EXT1: variants seen among roughly 807,000 people sequenced by gnomAD.
EXT1 encodes exostosin glycosyltransferase 1, also known as exostosin-1.
In EXT1, 20 loss-of-function variants were observed where a neutral mutation model predicts 82.5. The ratio of observed to expected loss-of-function variants is 0.24; its 90% CI spans 0.17 to 0.35. EXT1 has a LOEUF of 0.35. EXT1 is among the 10% of genes least tolerant of loss of function. EXT1 has a pLI of 1.00. For missense variants in EXT1, 757 were observed against 936.5 expected, an observed-to-expected ratio of 0.81 and a Z score of 2.50; for synonymous variants, 348 against 350.8, an observed-to-expected ratio of 0.99 and a Z score of 0.09.
chr8:118,066,225 A>C (rs1031606209), intron 1 of EXT1, among the ~76,000 whole-genome samples: 1 of 152,184 alleles, frequency 6.6e-6, no homozygotes, highest in Non-Finnish European at 1.5e-5. Context: ...ACTCAACATG[A>C]AGACAATGAG....
At position 117,799,580 on chromosome 8, in the gene EXT1, TCA is replaced by T; in HGVS notation, c.*130_*131del. ...GTTCTCATTGGCCTTTTTTTTTTTG[TCA>T]TTCTGCTCATCTAAGTTTTTGGATA... On this transcript the variant is annotated 3_prime_UTR_variant, in exon 11 of 11. Transcript: ENST00000378204. The T allele has an allele frequency of 3.3e-5, 33 of 1,013,796 alleles. No homozygotes were observed. The highest frequency in any genetic ancestry group is 2.0e-4 in the Admixed American group (9 of 44,744). The allele number at this position is 1,013,796 out of a possible 1,614,324, so 62.8% of individuals were successfully genotyped here.
chr8:118,032,954 C>T (rs1406746243), intron 1 of EXT1, among the ~76,000 whole-genome samples: 3 of 152,098 alleles, frequency 2.0e-5, no homozygotes, highest in Admixed American at 1.3e-4. Flanking sequence ...AAATGTACCA[C>T]TTAAAAAAAT....
At position 117,822,699 on chromosome 8, in the gene EXT1, T is replaced by C. The variant is rs188441211; in HGVS notation, c.1285-102A>G. The stretch of plus-strand genomic sequence containing the variant: ...CGAAAGATGGTGGCAGTCAGAGTAG[T>C]GACTCTACCCTCCCTCCCACTTTAA... On this transcript the variant is annotated intron_variant, in intron 4 of 10. Transcript: ENST00000378204. The C allele has an allele frequency of 1.1e-5, 14 of 1,304,794 alleles. 1 individual carries two copies. The African/African-American group carries it at 1.3e-4, about 12-fold the overall frequency. 80.8% of individuals were successfully genotyped at this position (1,304,794 alleles called of 1,614,324 possible).
At chr8:117,918,291 G>T (rs961175251) in intron 1 of EXT1, among the ~76,000 whole-genome samples, 1 of 152,186 alleles carries the variant, frequency 6.6e-6, no homozygotes, top group Non-Finnish European at 1.5e-5. Flanking sequence ...CACAGTGCCA[G>T]GTCCTGTGAG....
intron 1 of EXT1, among the ~76,000 whole-genome samples, chr8:117,906,992 T>C (rs1813555182): frequency 6.6e-6 from 1 of 152,098 alleles, no homozygotes; most frequent in Non-Finnish European, 1.5e-5. Flanking sequence ...TGCTGTAGCA[T>C]ATCTCCCTCA....
At chr8:118,100,756 A>G (rs930615916) in intron 1 of EXT1, among the ~76,000 whole-genome samples, 3 of 152,028 alleles carry the variant, frequency 2.0e-5, no homozygotes, top group Admixed American at 1.3e-4. Context: ...AAAAGAAAAA[A>G]AAAAAAGTCA....
rs900113581 is a variant in EXT1, at chr8:117,938,316, G to C, written c.963-101115C>G. On this transcript the variant is annotated intron_variant, in intron 1 of 10. Transcript: ENST00000378204. ...GTCTCCACTAAAAATACAAAAATTA[G>C]CTGGGCATGGTGGCGGGGACCTGTA... 3.3e-5 allele frequency among the ~76,000 whole-genome samples: 5 copies of C among 152,208 alleles called. 1 individual carries two copies. Among genetic ancestry groups the C allele is most frequent in the Non-Finnish European group, 4.4e-5 (3 of 68,012 alleles).
chr8:118,108,514 T>G lies in EXT1; in HGVS notation c.962+1571A>C, dbSNP rs530305515. On this transcript the variant is annotated intron_variant, in intron 1 of 10. Transcript: ENST00000378204. ...ATTACTAACCATAGTTTAAATGTCT[T>G]TTATGAGAAAACTGTAATCCATTGC... Among the ~76,000 whole-genome samples, 9 of 152,362 alleles carry G rather than the reference T, an allele frequency of 5.9e-5. 1 individual carries two copies. In the South Asian group the frequency reaches 1.9e-3, roughly 32 times the overall value.
intron 1 of EXT1, among the ~76,000 whole-genome samples, chr8:117,882,547 C>G (rs1201452993): frequency 6.6e-6 from 1 of 152,142 alleles, no homozygotes; most frequent in Non-Finnish European, 1.5e-5. Flanking sequence ...AGTAAAATTC[C>G]CCAGGGTAGA....
At chr8:117,825,878 A>G (rs899878880) in intron 4 of EXT1, among the ~76,000 whole-genome samples, 3 of 152,210 alleles carry the variant, frequency 2.0e-5, no homozygotes, top group African/African-American at 7.2e-5. Context: ...CACTAACTAT[A>G]TACCTTCCTA....
At chr8:117,818,647 C>T (rs1811868455) in intron 6 of EXT1, 117 bp from the exon 7 acceptor site, 3 of 842,568 alleles carry the variant, frequency 3.6e-6, no homozygotes, top group South Asian at 1.4e-5. Context: ...CTCAGCAAGA[C>T]AAAACGGCAG....
At chr8:117,853,193 C>T (rs912023366) in intron 1 of EXT1, among the ~76,000 whole-genome samples, 3 of 152,108 alleles carry the variant, frequency 2.0e-5, no homozygotes, top group Admixed American at 6.6e-5. Flanking sequence ...CTAAATCCAT[C>T]GGATGGTTTG....
chr8:117,955,463 A>C (rs1243233511), intron 1 of EXT1, among the ~76,000 whole-genome samples: 1 of 152,222 alleles, frequency 6.6e-6, no homozygotes. Context: ...ATCACCCAGG[A>C]AATTCCAAGG....
chr8:117,887,264 T>C (rs1247358367), intron 1 of EXT1, among the ~76,000 whole-genome samples: 1 of 152,216 alleles, frequency 6.6e-6, no homozygotes, highest in Non-Finnish European at 1.5e-5. Context: ...GATATTTCCT[T>C]CTCCTTGACT....
chr8:118,077,696 TCAAA>T (rs1203150188), intron 1 of EXT1, among the ~76,000 whole-genome samples: 2 of 152,120 alleles, frequency 1.3e-5, no homozygotes, highest in Non-Finnish European at 2.9e-5. Flanking sequence ...ATAATAAATA[TCAAA>T]CAAAGTGACA....
At chr8:117,995,425 A>C (rs887162031) in intron 1 of EXT1, among the ~76,000 whole-genome samples, 5 of 151,964 alleles carry the variant, frequency 3.3e-5, no homozygotes, top group Admixed American at 6.6e-5. Flanking sequence ...TGGGCTATGG[A>C]TTTTTCTGGA....
At chr8:117,808,550 T>A (rs1823269379) in intron 8 of EXT1, among the ~76,000 whole-genome samples, 2 of 152,238 alleles carry the variant, frequency 1.3e-5, no homozygotes, top group Non-Finnish European at 2.9e-5. Context: ...ATACACGCTA[T>A]GATTCACCTC....
intron 1 of EXT1, among the ~76,000 whole-genome samples, chr8:117,925,293 A>G (rs1315132880): frequency 2.0e-5 from 3 of 151,944 alleles, no homozygotes; most frequent in Admixed American, 2.0e-4. Context: ...CTCTTTTCAC[A>G]GCATTTAGTA....
At chr8:118,007,448 G>C (rs1586339310) in intron 1 of EXT1, among the ~76,000 whole-genome samples, 1 of 152,134 alleles carries the variant, frequency 6.6e-6, no homozygotes, top group African/African-American at 2.4e-5. Flanking sequence ...TGATAACTTG[G>C]TGAAAACTAG....
Sources: allele counts gnomAD v4.1 joint callset (sites outside exome capture counted in the v4.1 genomes callset), GRCh38; gene constraint gnomAD v4.1.1; transcripts MANE v1.5; gene names NCBI Gene and HGNC (gene_info 2026-07-23, HGNC 2026-07-21).